The following SEPTIN10 variants were observed in gnomAD, a reference collection of about 807,000 sequenced individuals.
The protein encoded by SEPTIN10 is septin-10.
Under a neutral mutation model 54.8 loss-of-function variants are expected in SEPTIN10, and 66 were observed. That is an observed-to-expected ratio of 1.21 (90% CI 0.99 to 1.48). The LOEUF is 1.48. Ranked by LOEUF, SEPTIN10 falls within the 40% of genes most tolerant of loss-of-function variation. SEPTIN10 has a pLI of 0.00. For missense variants in SEPTIN10, 620 were observed against 545.6 expected, an observed-to-expected ratio of 1.14 and a Z score of -1.36; for synonymous variants, 161 against 181.0, an observed-to-expected ratio of 0.89 and a Z score of 0.89.
At position 109,565,752 on chromosome 2, in the gene SEPTIN10, G is replaced by GT. The variant is rs1465898990; in HGVS notation, c.859+10dup. On this transcript the variant is annotated intron_variant, in intron 7 of 10. Transcript: ENST00000397712. ...AGATACATATTTCTAGTCATCCTTT[G>GT]TCTCATTTACCTTGTACAACACCCC... The GT allele has an allele frequency of 6.2e-7, 1 of 1,606,262 alleles. No individual in the cohort carries two copies.
chr2:109,611,244 TAAG>T (rs1403916522), intron 1 of SEPTIN10, among the ~76,000 whole-genome samples: 1 of 151,892 alleles, frequency 6.6e-6, no homozygotes, highest in Non-Finnish European at 1.5e-5. Context: ...AGGAAAAAAA[TAAG>T]AGAAAATCTT....
chr2:109,566,927 T>A (rs1204171772), intron 6 of SEPTIN10, among the ~76,000 whole-genome samples: 1 of 152,332 alleles, frequency 6.6e-6, no homozygotes, highest in East Asian at 1.9e-4. Context: ...GGTGGCTTTC[T>A]GAATATTCTA....
At chr2:109,610,630 C>T (rs1348339894) in intron 1 of SEPTIN10, among the ~76,000 whole-genome samples, 1 of 152,006 alleles carries the variant, frequency 6.6e-6, no homozygotes, top group Admixed American at 6.5e-5. Context: ...GTAGGAGAAT[C>T]GCTTGAACCA....
At chr2:109,551,957 G>A (rs556148953) in intron 9 of SEPTIN10, among the ~76,000 whole-genome samples, 114 of 152,262 alleles carry the variant, frequency 7.5e-4, no homozygotes, top group Non-Finnish European at 8.7e-4. Flanking sequence ...CCCAGGCCGC[G>A]GACCAGTACT....
At chr2:109,579,741 C>A (rs1690646016) in intron 4 of SEPTIN10, among the ~76,000 whole-genome samples, 1 of 151,984 alleles carries the variant, frequency 6.6e-6, no homozygotes. Flanking sequence ...TAACTCTAAT[C>A]TTATGCAAAT....
intron 1 of SEPTIN10, among the ~76,000 whole-genome samples, chr2:109,595,648 T>C (rs1301818567): frequency 6.6e-6 from 1 of 151,912 alleles, no homozygotes; most frequent in Non-Finnish European, 1.5e-5. Flanking sequence ...AAATTTAAGG[T>C]AGAAAAAAAA....
At chr2:109,552,140 G>A (rs1447455803) in intron 9 of SEPTIN10, among the ~76,000 whole-genome samples, 1 of 152,192 alleles carries the variant, frequency 6.6e-6, no homozygotes, top group Non-Finnish European at 1.5e-5. Flanking sequence ...TGCGCTCCTT[G>A]TGAGAATCTA....
chr2:109,611,616 C>T (rs1398565757), intron 1 of SEPTIN10, among the ~76,000 whole-genome samples: 3 of 151,308 alleles, frequency 2.0e-5, no homozygotes, highest in Non-Finnish European at 1.5e-5. Context: ...AAAATTTAGC[C>T]GGCTGTGGTG....
rs565937777 is a variant in SEPTIN10, at chr2:109,588,109, CAA to C, written c.100-2273_100-2272del. Among the ~76,000 whole-genome samples, 1,044 of 142,798 alleles carry C rather than the reference CAA, an allele frequency of 7.3e-3. 7 individuals carry two copies. Among genetic ancestry groups the C allele is most frequent in the Non-Finnish European group, 0.012 (753 of 65,148 alleles). The allele number at this position is 142,798 out of a possible 152,430, so 93.7% of individuals were successfully genotyped here. A position where few individuals can be genotyped will look rare whatever the true frequency, so the allele number is the denominator to read the frequency against. On this transcript the variant is annotated intron_variant, in intron 2 of 10. Transcript: ENST00000397712. ...ATGACCCCTATAAAATGCCCCCCGC[CAA>C]AAAAAAAAGACATCGTAGAATTCTA...
intron 1 of SEPTIN10, among the ~76,000 whole-genome samples, chr2:109,597,692 G>C (rs1372198308): frequency 1.3e-5 from 2 of 152,146 alleles, no homozygotes; most frequent in African/African-American, 4.8e-5. Context: ...ATCCCATACA[G>C]TAACTTAACT....
intron 4 of SEPTIN10, among the ~76,000 whole-genome samples, chr2:109,584,508 T>C (rs764438054): frequency 5.4e-5 from 8 of 148,974 alleles, no homozygotes; most frequent in Non-Finnish European, 8.9e-5. Context: ...TTGAAACACA[T>C]TTCAAAAAGG....
intron 8 of SEPTIN10, among the ~76,000 whole-genome samples, chr2:109,554,319 T>C (rs916522465): frequency 6.6e-6 from 1 of 152,192 alleles, no homozygotes; most frequent in Non-Finnish European, 1.5e-5. Context: ...TCACACCGCA[T>C]TGCTTATTGT....
intron 8 of SEPTIN10, among the ~76,000 whole-genome samples, chr2:109,562,702 G>T (rs1402623048): frequency 2.0e-5 from 3 of 152,104 alleles, no homozygotes; most frequent in Admixed American, 1.3e-4. Context: ...TTCCACCTCA[G>T]TGCACAGAGG....
chr2:109,593,536 G>A (rs929040789), intron 1 of SEPTIN10, among the ~76,000 whole-genome samples: 5 of 151,532 alleles, frequency 3.3e-5, no homozygotes, highest in African/African-American at 1.2e-4. Context: ...CTCCTGAGTA[G>A]CTGGGATTAC....
At chr2:109,562,781 T>C (rs866200001) in intron 8 of SEPTIN10, among the ~76,000 whole-genome samples, 7 of 152,258 alleles carry the variant, frequency 4.6e-5, no homozygotes, top group South Asian at 4.1e-4. Flanking sequence ...CTAGGGAAGC[T>C]AACTCGAGAT....
chr2:109,606,025 G>A (rs1341805459), intron 1 of SEPTIN10, among the ~76,000 whole-genome samples: 1 of 152,204 alleles, frequency 6.6e-6, no homozygotes, highest in Non-Finnish European at 1.5e-5. Context: ...ACAACATGGA[G>A]GAAACAAAAG....
intron 1 of SEPTIN10, 53 bp downstream of exon 1, chr2:109,613,745 C>A (rs1699829634): frequency 8.6e-7 from 1 of 1,163,206 alleles, no homozygotes; most frequent in Non-Finnish European, 1.1e-6. Flanking sequence ...GGCGGGAAGT[C>A]CCGCGGGGGC....
intron 4 of SEPTIN10, among the ~76,000 whole-genome samples, chr2:109,577,608 A>T (rs1573615171): frequency 6.6e-6 from 1 of 151,140 alleles, no homozygotes; most frequent in Non-Finnish European, 1.5e-5. Flanking sequence ...TAAAAAAAAA[A>T]AAAAGAAAAA....
intron 1 of SEPTIN10, among the ~76,000 whole-genome samples, chr2:109,599,163 G>T (rs1695993953): frequency 6.6e-6 from 1 of 151,668 alleles, no homozygotes. Context: ...AGAAAAAAAA[G>T]AACTCAAGTG....
Sources: allele counts gnomAD v4.1 joint callset (sites outside exome capture counted in the v4.1 genomes callset), GRCh38; gene constraint gnomAD v4.1.1; transcripts MANE v1.5; gene names NCBI Gene and HGNC (gene_info 2026-07-23, HGNC 2026-07-21).